The following SLC16A7 variants were observed in gnomAD, a reference collection of about 807,000 sequenced individuals.
The protein encoded by SLC16A7 is solute carrier family 16 member 7.
SLC16A7 carries 33 observed loss-of-function variants against 34.9 expected under a neutral mutation model. That is an observed-to-expected ratio of 0.94 (90% confidence interval 0.72 to 1.26). SLC16A7 has a LOEUF of 1.26. Among genes scored for constraint, SLC16A7 ranks in the 50% most tolerant of loss-of-function variants. The pLI is 0.00. For missense variants in SLC16A7, 573 were observed against 578.1 expected, an observed-to-expected ratio of 0.99 and a Z score of 0.09; for synonymous variants, 201 against 206.6, an observed-to-expected ratio of 0.97 and a Z score of 0.23.
intron 3 of SLC16A7, among the ~76,000 whole-genome samples, chr12:59,749,112 A>G (rs537848360): frequency 2.6e-5 from 4 of 152,358 alleles, no homozygotes; most frequent in African/African-American, 9.6e-5. Context: ...AAAATGCCAC[A>G]AAGGAAATTT....
chr12:59,628,213 T>C (rs1427579701), intron 1 of SLC16A7, among the ~76,000 whole-genome samples: 1 of 151,890 alleles, frequency 6.6e-6, no homozygotes, highest in Non-Finnish European at 1.5e-5. Flanking sequence ...ATTCCTCCCA[T>C]GCTTAAAACC....
chr12:59,732,755 C>T (rs1270436734), intron 3 of SLC16A7, among the ~76,000 whole-genome samples: 1 of 152,134 alleles, frequency 6.6e-6, no homozygotes, highest in Non-Finnish European at 1.5e-5. Context: ...GTTATTCACC[C>T]CACTCATTTA....
At chr12:59,768,897 G>T (rs1189145021) in intron 3 of SLC16A7, among the ~76,000 whole-genome samples, 1 of 151,962 alleles carries the variant, frequency 6.6e-6, no homozygotes, top group Non-Finnish European at 1.5e-5. Flanking sequence ...CTACTAGGGA[G>T]ACTTAGTTGG....
At chr12:59,729,408 C>A (rs555436914) in intron 3 of SLC16A7, among the ~76,000 whole-genome samples, 1 of 152,180 alleles carries the variant, frequency 6.6e-6, no homozygotes, top group East Asian at 1.9e-4. Context: ...CTCTCTGTTT[C>A]GGTTTCCCTG....
chr12:59,605,345 G>C (rs905176811), intron 1 of SLC16A7, among the ~76,000 whole-genome samples: 1 of 152,170 alleles, frequency 6.6e-6, no homozygotes, highest in Admixed American at 6.5e-5. Flanking sequence ...GTAAGTCCAG[G>C]ATGTCATTCC....
intron 3 of SLC16A7, among the ~76,000 whole-genome samples, chr12:59,755,762 A>C (rs1342964537): frequency 1.3e-5 from 2 of 152,210 alleles, no homozygotes; most frequent in Non-Finnish European, 2.9e-5. Context: ...GCTACTTTCA[A>C]GTTCATATGG....
chr12:59,736,367 AAAAC>A (rs746071780), intron 3 of SLC16A7, among the ~76,000 whole-genome samples: 10 of 152,220 alleles, frequency 6.6e-5, no homozygotes, highest in Non-Finnish European at 1.3e-4. Flanking sequence ...ATGAACACAA[AAAAC>A]AAACAAAAAC....
chr12:59,646,636 T>C (rs1868254095), intron 1 of SLC16A7, among the ~76,000 whole-genome samples: 1 of 151,794 alleles, frequency 6.6e-6, no homozygotes, highest in Non-Finnish European at 1.5e-5. Flanking sequence ...CATTGCCTAG[T>C]GAAGTTGTAA....
intron 2 of SLC16A7, among the ~76,000 whole-genome samples, chr12:59,703,017 A>G (rs1422639063): frequency 6.6e-6 from 1 of 152,140 alleles, no homozygotes; most frequent in Admixed American, 6.6e-5. Context: ...ATAAATACTT[A>G]CTGAAAATAA....
intron 3 of SLC16A7, among the ~76,000 whole-genome samples, chr12:59,765,516 G>A (rs960600581): frequency 1.3e-5 from 2 of 152,158 alleles, no homozygotes; most frequent in African/African-American, 4.8e-5. Flanking sequence ...TGTATAAGAT[G>A]TAAGGAAGGG....
chr12:59,611,806 A>G lies in SLC16A7; in HGVS notation c.-130+15570A>G, dbSNP rs559259948. Reference sequence around the variant, plus strand: ...ATGCAAGTCTGGAATCCAATAGTTCATTCATTTAACCTTAAAGTTCCAAAA... The same window carrying G: ...ATGCAAGTCTGGAATCCAATAGTTCGTTCATTTAACCTTAAAGTTCCAAAA... On this transcript the variant is annotated intron_variant, in intron 1 of 5. Transcript: ENST00000547379. 2.6e-5 allele frequency among the ~76,000 whole-genome samples: 4 copies of G among 152,346 alleles called. No homozygotes were observed. The South Asian group carries it at 8.3e-4, about 32-fold the overall frequency.
chr12:59,716,011 A>G (rs1183036316), intron 3 of SLC16A7, among the ~76,000 whole-genome samples: 2 of 152,236 alleles, frequency 1.3e-5, no homozygotes, highest in African/African-American at 4.8e-5. Context: ...TTCTTAAGCT[A>G]TAAAAGCAAT....
At chr12:59,691,805 A>G (rs1240805959) in intron 2 of SLC16A7, among the ~76,000 whole-genome samples, 2 of 151,934 alleles carry the variant, frequency 1.3e-5, no homozygotes, top group African/African-American at 2.4e-5. Flanking sequence ...ACATTTTCTA[A>G]TGACTTTCAG....
At chr12:59,600,430 A>G (rs936017052) in intron 1 of SLC16A7, among the ~76,000 whole-genome samples, 9 of 151,962 alleles carry the variant, frequency 5.9e-5, no homozygotes, top group Admixed American at 5.2e-4. Flanking sequence ...CTTGGGAAAC[A>G]TCTGCACACT....
intron 1 of SLC16A7, among the ~76,000 whole-genome samples, chr12:59,606,299 T>C (rs1032100042): frequency 3.3e-5 from 5 of 152,202 alleles, no homozygotes; most frequent in Non-Finnish European, 7.3e-5. Context: ...ATAAAGTTAG[T>C]AATACCAGTT....
chr12:59,779,108 T>C (rs1447192791), intron 5 of SLC16A7, among the ~76,000 whole-genome samples: 2 of 152,070 alleles, frequency 1.3e-5, no homozygotes, highest in Admixed American at 6.6e-5. Flanking sequence ...CATGTATAGA[T>C]ATAAAAATAT....
At chr12:59,677,321 G>C (rs1326735311) in intron 2 of SLC16A7, among the ~76,000 whole-genome samples, 1 of 152,120 alleles carries the variant, frequency 6.6e-6, no homozygotes, top group Non-Finnish European at 1.5e-5. Flanking sequence ...AAATATTAAA[G>C]AGATTTTTTT....
At chr12:59,633,414 A>G (rs1422129189) in intron 1 of SLC16A7, among the ~76,000 whole-genome samples, 1 of 152,050 alleles carries the variant, frequency 6.6e-6, no homozygotes, top group Non-Finnish European at 1.5e-5. Context: ...AGTTTAAATA[A>G]GAGAGATATT....
At chr12:59,749,812 A>G (rs932764215) in intron 3 of SLC16A7, among the ~76,000 whole-genome samples, 21 of 152,240 alleles carry the variant, frequency 1.4e-4, no homozygotes, top group Admixed American at 7.2e-4. Context: ...GTTGGAATGT[A>G]AAGGACTTCA....
Sources: gnomAD v4.1 joint callset for allele counts (sites outside exome capture counted in the v4.1 genomes callset) on GRCh38, gnomAD v4.1.1 for gene constraint, MANE v1.5 for transcripts, NCBI Gene and HGNC (gene_info 2026-07-23, HGNC 2026-07-21) for gene names.